ADCY8: variants seen among roughly 807,000 people sequenced by gnomAD.
ADCY8 encodes the protein adenylate cyclase 8.
ADCY8 carries 51 observed loss-of-function variants against 119.7 expected under a neutral mutation model. The ratio of observed to expected loss-of-function variants is 0.43; its 90% CI spans 0.34 to 0.54. The LOEUF is 0.54. Among genes scored for constraint, ADCY8 ranks in the 20% least tolerant of loss-of-function variants. ADCY8 has a pLI of 0.03. For missense variants in ADCY8, 1,383 were observed against 1,598.8 expected, an observed-to-expected ratio of 0.87 and a Z score of 2.30; for synonymous variants, 665 against 651.0, an observed-to-expected ratio of 1.02 and a Z score of -0.33.
intron 3 of ADCY8, among the ~76,000 whole-genome samples, chr8:130,950,082 T>A (rs1475259854): frequency 6.6e-6 from 1 of 152,232 alleles, no homozygotes; most frequent in East Asian, 1.9e-4. Context: ...CAGATGCTGC[T>A]AAGTGCAAAA....
At chr8:131,007,418 T>C (rs1823155575) in intron 1 of ADCY8, among the ~76,000 whole-genome samples, 1 of 152,148 alleles carries the variant, frequency 6.6e-6, no homozygotes, top group African/African-American at 2.4e-5. Flanking sequence ...TTGTCACATC[T>C]AGAGAGAGCA....
intron 10 of ADCY8, among the ~76,000 whole-genome samples, chr8:130,848,150 C>T (rs534969592): frequency 2.6e-5 from 4 of 152,140 alleles, no homozygotes; most frequent in Non-Finnish European, 5.9e-5. Flanking sequence ...GTAACTTGTC[C>T]AGTGTCACTG....
At chr8:130,798,803 G>A (rs1815671008) in intron 15 of ADCY8, among the ~76,000 whole-genome samples, 1 of 152,102 alleles carries the variant, frequency 6.6e-6, no homozygotes, top group Admixed American at 6.6e-5. Flanking sequence ...GCACGCCCAT[G>A]TTCATCTCAG....
intron 6 of ADCY8, among the ~76,000 whole-genome samples, chr8:130,909,043 T>TCCA (rs1819889198): frequency 6.7e-6 from 1 of 149,888 alleles, no homozygotes; most frequent in Admixed American, 6.7e-5. Context: ...CCATCCACCA[T>TCCA]CCATCCATCC....
intron 7 of ADCY8, among the ~76,000 whole-genome samples, chr8:130,897,879 CACAT>C (rs1370703171): frequency 6.6e-6 from 1 of 151,374 alleles, no homozygotes; most frequent in Non-Finnish European, 1.5e-5. Context: ...ACACATACAC[CACAT>C]ACATACCGTA....
At chr8:130,954,098 G>A (rs1821353618) in intron 2 of ADCY8, among the ~76,000 whole-genome samples, 1 of 152,214 alleles carries the variant, frequency 6.6e-6, no homozygotes, top group Non-Finnish European at 1.5e-5. Context: ...AAGTGATAGA[G>A]CTGTAATACA....
At chr8:130,883,366 CT>C (rs1236077639) in intron 8 of ADCY8, among the ~76,000 whole-genome samples, 1 of 152,022 alleles carries the variant, frequency 6.6e-6, no homozygotes, top group Non-Finnish European at 1.5e-5. Context: ...GTGTCTTTTA[CT>C]TTTTTTGTGT....
chr8:131,003,124 C>T (rs1823003167), intron 1 of ADCY8, among the ~76,000 whole-genome samples: 1 of 151,120 alleles, frequency 6.6e-6, no homozygotes, highest in Non-Finnish European at 1.5e-5. Context: ...TTGCTTGAAC[C>T]CAGGAGGTAG....
At chr8:130,838,519 TCCAG>T (rs1817055156) in intron 11 of ADCY8, among the ~76,000 whole-genome samples, 8 of 96,180 alleles carry the variant, frequency 8.3e-5, no homozygotes, top group Admixed American at 2.2e-4. Flanking sequence ...TCTAAGGCCC[TCCAG>T]TTTGACAAAG....
intron 15 of ADCY8, among the ~76,000 whole-genome samples, chr8:130,787,925 G>A (rs1815309434): frequency 6.6e-6 from 1 of 152,216 alleles, no homozygotes; most frequent in African/African-American, 2.4e-5. Context: ...GTGTGCGTTT[G>A]TGTTCGGGGC....
chr8:130,869,488 G>GT (rs11410180), intron 8 of ADCY8, among the ~76,000 whole-genome samples: 33,190 of 140,002 alleles, frequency 0.24, 5,209 homozygotes, highest in African/African-American at 0.45. Context: ...TTGGCTTACT[G>GT]TTTTTTTTTT....
intron 5 of ADCY8, among the ~76,000 whole-genome samples, chr8:130,926,309 G>GAA (rs112225613): frequency 0.22 from 31,804 of 143,616 alleles, 3,620 homozygotes; most frequent in Non-Finnish European, 0.28. Context: ...TTGTTTCCAG[G>GAA]AAAAAAAAAA....
chr8:130,976,249 G>C (rs1209207887), intron 2 of ADCY8, among the ~76,000 whole-genome samples: 1 of 152,088 alleles, frequency 6.6e-6, no homozygotes, highest in Non-Finnish European at 1.5e-5. Context: ...AACTTGCTAG[G>C]GCCCCTCTGA....
chr8:130,828,255 C>T (rs1310406055), intron 12 of ADCY8, among the ~76,000 whole-genome samples: 2 of 152,144 alleles, frequency 1.3e-5, no homozygotes, highest in South Asian at 2.1e-4. Context: ...TCTTGTTTGG[C>T]AAGATTAGGC....
At chr8:130,994,575 C>A (rs557142583) in intron 1 of ADCY8, among the ~76,000 whole-genome samples, 3 of 152,110 alleles carry the variant, frequency 2.0e-5, no homozygotes, top group Non-Finnish European at 4.4e-5. Context: ...TTACCATAAA[C>A]CCATCATTTA....
Position 131,040,037 on chromosome 8 carries a change from T to C in ADCY8, c.297A>G (p.Arg99=). The C allele has an allele frequency of 6.5e-7, 1 of 1,549,964 alleles. No individual in the cohort carries two copies. Among genetic ancestry groups the C allele is most frequent in the East Asian group, 2.4e-5 (1 of 41,570 alleles). Reference sequence around the variant, plus strand: ...CTTTGGTGCCGCAGGTGCTGTGCGCTCGCTCTCCCGGGCCCAGCGAGTAGA... The same window carrying C: ...CTTTGGTGCCGCAGGTGCTGTGCGCCCGCTCTCCCGGGCCCAGCGAGTAGA... The part of the protein sequence containing the change: ...LPLYSLGPGE[R]AHSTCGTKVF... Residue 99 remains arginine, a synonymous_variant, in exon 1 of 18, where the codon CGA becomes CGG. Transcript: ENST00000286355.
chr8:130,886,095 G>A (rs1024056952), intron 7 of ADCY8, among the ~76,000 whole-genome samples: 1 of 152,020 alleles, frequency 6.6e-6, no homozygotes, highest in East Asian at 1.9e-4. Flanking sequence ...TCCCTATGGT[G>A]TTATTGAACC....
At chr8:130,952,914 A>G (rs1821317746) in intron 2 of ADCY8, among the ~76,000 whole-genome samples, 1 of 152,238 alleles carries the variant, frequency 6.6e-6, no homozygotes, top group East Asian at 1.9e-4. Flanking sequence ...CTTACAAGGC[A>G]CTAGCTCTTT....
intron 2 of ADCY8, among the ~76,000 whole-genome samples, chr8:130,957,268 G>C (rs570767491): frequency 6.6e-6 from 1 of 152,290 alleles, no homozygotes; most frequent in Non-Finnish European, 1.5e-5. Flanking sequence ...GGTGACTCTT[G>C]TTGTGTTTTA....
Sources: gnomAD v4.1 joint callset for allele counts (sites outside exome capture counted in the v4.1 genomes callset) on GRCh38, gnomAD v4.1.1 for gene constraint, MANE v1.5 for transcripts, NCBI Gene and HGNC (gene_info 2026-07-23, HGNC 2026-07-21) for gene names.